The following NBEA variants were observed in gnomAD, a reference collection of about 807,000 sequenced individuals.
NBEA encodes the protein lysosomal-trafficking regulator 2.
In NBEA, 44 loss-of-function variants were observed where a neutral mutation model predicts 343.4. The observed-to-expected ratio is 0.13, with a 90% CI of 0.10 to 0.16. NBEA has a LOEUF of 0.16. Ranked by LOEUF, NBEA falls within the 10% of genes least tolerant of loss-of-function variation. NBEA has a pLI of 1.00. For synonymous variants in NBEA, 1,175 were observed against 1,238.7 expected, an observed-to-expected ratio of 0.95 and a Z score of 1.08; for missense variants, 2,555 against 3,631.3, an observed-to-expected ratio of 0.70 and a Z score of 7.62.
chr13:35,368,274 A>G (rs1215505547), intron 38 of NBEA, among the ~76,000 whole-genome samples: 1 of 151,572 alleles, frequency 6.6e-6, no homozygotes, highest in Non-Finnish European at 1.5e-5. Flanking sequence ...ACATTATTTT[A>G]CATTAAACTT....
intron 38 of NBEA, among the ~76,000 whole-genome samples, chr13:35,359,838 G>GTGTGTGTA (rs1193415530): frequency 2.8e-4 from 31 of 109,842 alleles, no homozygotes; most frequent in Middle Eastern, 4.4e-3. Flanking sequence ...GTGTATGTGT[G>GTGTGTGTA]TGTGTGTGTG....
intron 31 of NBEA, among the ~76,000 whole-genome samples, chr13:35,207,982 A>G (rs975823752): frequency 6.6e-6 from 1 of 152,160 alleles, no homozygotes; most frequent in Non-Finnish European, 1.5e-5. Flanking sequence ...GCACTTTGGG[A>G]GGCCAAGTGG....
At position 35,550,934 on chromosome 13, in the gene NBEA, A is replaced by G; in HGVS notation, c.6708A>G (p.Ser2236=). 1 of 1,596,296 alleles carries G rather than the reference A, an allele frequency of 6.3e-7. No homozygotes were observed. The highest frequency in any genetic ancestry group is 8.6e-7 in the Non-Finnish European group (1 of 1,165,948). The change falls in exon 43 of 59, where the codon TCA becomes TCG. Residue 2236 remains serine (S), a synonymous_variant. Transcript: ENST00000379939. ...ALEVFMANRT[S]VMFNFPDQAT... Reference sequence around the variant, plus strand: ...TTTTTTTTCTTCTTACCACAGCCTCAGTTATGTTTAATTTCCCTGATCAAG... The same window carrying G: ...TTTTTTTTCTTCTTACCACAGCCTCGGTTATGTTTAATTTCCCTGATCAAG...
intron 1 of NBEA, among the ~76,000 whole-genome samples, chr13:35,004,977 T>C (rs1393360621): frequency 2.0e-5 from 3 of 152,154 alleles, no homozygotes; most frequent in Non-Finnish European, 2.9e-5. Flanking sequence ...ATGACAGTAT[T>C]TTGCCAGTTT....
chr13:35,451,969 G>C lies in NBEA; in HGVS notation c.6305-123G>C, dbSNP rs989570950. The C allele has an allele frequency of 2.2e-5, 16 of 735,624 alleles. No individual in the cohort carries two copies. In the African/African-American group the frequency reaches 2.9e-4, roughly 13 times the overall value. 45.6% of individuals were successfully genotyped at this position (735,624 alleles called of 1,614,324 possible). A position where few individuals can be genotyped will look rare whatever the true frequency, so the allele number is the denominator to read the frequency against. ...AAGATAAAGAAGGTTAAAATGTTCTGTAATTGTAAAGTAATATGTAAATGC... is the reference window on the plus strand; with the variant it reads ...AAGATAAAGAAGGTTAAAATGTTCTCTAATTGTAAAGTAATATGTAAATGC... On this transcript the variant is annotated intron_variant, in intron 39 of 58. Transcript: ENST00000379939.
chr13:35,436,073 G>A (rs1594631435), intron 39 of NBEA, among the ~76,000 whole-genome samples: 3 of 151,018 alleles, frequency 2.0e-5, no homozygotes, highest in African/African-American at 4.9e-5. Flanking sequence ...AAAAAAAAAA[G>A]AATGGACTCA....
At chr13:35,426,179 A>C (rs534523732) in intron 38 of NBEA, among the ~76,000 whole-genome samples, 111 of 152,204 alleles carry the variant, frequency 7.3e-4, no homozygotes, top group South Asian at 1.5e-3. Context: ...TGTGAATTTG[A>C]TCCTGTCATT....
At chr13:35,347,494 A>C (rs189545486) in intron 36 of NBEA, among the ~76,000 whole-genome samples, 1 of 152,192 alleles carries the variant, frequency 6.6e-6, no homozygotes, top group East Asian at 1.9e-4. Context: ...TTGCCCTTTA[A>C]GGAAAACCCA....
chr13:34,963,516 G>A (rs1365022778), intron 1 of NBEA, among the ~76,000 whole-genome samples: 4 of 152,008 alleles, frequency 2.6e-5, no homozygotes, highest in Admixed American at 2.6e-4. Flanking sequence ...GGGATACAGT[G>A]CAGCCCATAA....
chr13:35,355,712 C>G (rs1162735664), intron 38 of NBEA, among the ~76,000 whole-genome samples: 1 of 152,022 alleles, frequency 6.6e-6, no homozygotes, highest in Non-Finnish European at 1.5e-5. Flanking sequence ...TCTAGTCACC[C>G]TGGCTTCTTT....
At chr13:35,569,158 A>C (rs989456062) in intron 45 of NBEA, among the ~76,000 whole-genome samples, 1 of 152,212 alleles carries the variant, frequency 6.6e-6, no homozygotes, top group African/African-American at 2.4e-5. Flanking sequence ...ATGATGATGA[A>C]TATATGCTAC....
At chr13:35,158,185 C>A (rs1030659596) in intron 21 of NBEA, among the ~76,000 whole-genome samples, 2 of 151,998 alleles carry the variant, frequency 1.3e-5, no homozygotes, top group African/African-American at 4.8e-5. Context: ...CTTTCTTCTT[C>A]TGTAAAATTA....
chr13:35,043,143 C>G (rs2062715699), intron 2 of NBEA, among the ~76,000 whole-genome samples: 1 of 151,118 alleles, frequency 6.6e-6, no homozygotes, highest in African/African-American at 2.4e-5. Flanking sequence ...TATTTTTTCT[C>G]TTTTAAAAAT....
chr13:35,538,372 T>C (rs2078655810), intron 41 of NBEA, among the ~76,000 whole-genome samples: 1 of 152,230 alleles, frequency 6.6e-6, no homozygotes, highest in Non-Finnish European at 1.5e-5. Flanking sequence ...CAGCCACCCA[T>C]GTGGACAGTC....
Position 35,583,995 on chromosome 13 carries a change from A to G in NBEA, c.7133A>G (p.His2378Arg). The G allele has an allele frequency of 6.2e-7, 1 of 1,613,576 alleles. No individual in the cohort carries two copies. Among genetic ancestry groups the G allele is most frequent in the Non-Finnish European group, 8.5e-7 (1 of 1,179,584 alleles). The change falls in exon 46 of 59, where the codon CAT (histidine) becomes CGT (arginine). Residue 2378 changes from histidine to arginine, a missense_variant. His to Arg is a conservative substitution (Grantham distance 29). This residue lies in a region of NBEA where 156 missense variants were observed against 185.8 expected (regional missense o/e 0.84). Coordinates refer to ENST00000379939, the MANE Select transcript of NBEA (RefSeq NM_001385012.1). ...DQSPPYHYNT[H>R]YSTATSTLSW... ...AGCCCACCCTACCATTATAATACCC[A>G]TTATTCAACAGCAACATCTACTTTA...
rs1160168775 is a variant in NBEA at position 34,942,892 on chromosome 13, C to G, written c.72C>G (p.Ala24=). 3.4e-6 allele frequency: 5 copies of G among 1,461,012 alleles called. No homozygotes were observed. The African/African-American group carries it at 7.3e-5, about 21-fold the overall frequency. 90.5% of individuals were successfully genotyped at this position (1,461,012 alleles called of 1,614,324 possible). A position where few individuals can be genotyped will look rare whatever the true frequency, so the allele number is the denominator to read the frequency against. ...CCGTGGGGCTCATTGCCGTCGGGGC[C>G]GCTGGCGGAGGCGGCGGGGGCAGCG... is the stretch of plus-strand genomic sequence containing the variant. ...PQPVGLIAVG[A]AGGGGGGSGG... is the part of the protein sequence containing the mutation. The change falls in exon 1 of 59, where the codon GCC becomes GCG. Residue 24 remains alanine (A), a synonymous_variant. Transcript: ENST00000379939.
chr13:35,453,344 A>G (rs1326573995), intron 40 of NBEA, among the ~76,000 whole-genome samples: 2 of 152,218 alleles, frequency 1.3e-5, no homozygotes, highest in South Asian at 4.1e-4. Context: ...TGTATTATAA[A>G]AACTATTTTT....
chr13:35,353,164 G>C (rs757939091), intron 38 of NBEA, among the ~76,000 whole-genome samples: 1 of 152,088 alleles, frequency 6.6e-6, no homozygotes, highest in African/African-American at 2.4e-5. Flanking sequence ...GACCTGGTGC[G>C]ATGGCTCACG....
chr13:35,648,624 G>T (rs2031809), intron 51 of NBEA, among the ~76,000 whole-genome samples: 58,059 of 151,922 alleles, frequency 0.38, 11,543 homozygotes, highest in East Asian at 0.72. Context: ...TCATGTAGCA[G>T]AGAATTCATA....
Sources: gnomAD v4.1 joint callset for allele counts (sites outside exome capture counted in the v4.1 genomes callset) on GRCh38, gnomAD v4.1.1 for gene constraint, gnomAD v4.1.1 regional missense constraint, MANE v1.5 for transcripts, NCBI Gene and HGNC (gene_info 2026-07-23, HGNC 2026-07-21) for gene names.